Variants in ATF3 observed in about 807,000 individuals in gnomAD.
The protein encoded by ATF3 is activating transcription factor 3.
Under a neutral mutation model 18.4 loss-of-function variants are expected in ATF3, and 10 were observed. The ratio of observed to expected loss-of-function variants is 0.54; its 90% CI spans 0.34 to 0.92. The LOEUF is 0.92. ATF3 is among the 40% of genes least tolerant of loss of function. The pLI is 0.02. For synonymous variants in ATF3, 78 were observed against 87.9 expected, an observed-to-expected ratio of 0.89 and a Z score of 0.63; for missense variants, 183 against 222.3, an observed-to-expected ratio of 0.82 and a Z score of 1.12.
intron 1 of ATF3, among the ~76,000 whole-genome samples, chr1:212,573,352 G>A (rs1468648472): frequency 6.6e-6 from 1 of 151,972 alleles, no homozygotes; most frequent in Non-Finnish European, 1.5e-5. Context: ...TGCATTAATT[G>A]AGAATCTTAT....
At chr1:212,578,573 T>A (rs1314592424) in intron 1 of ATF3, among the ~76,000 whole-genome samples, 1 of 152,220 alleles carries the variant, frequency 6.6e-6, no homozygotes, top group East Asian at 1.9e-4. Context: ...TTTATACTAA[T>A]CATTTCTGAG....
At chr1:212,566,288 G>C (rs1200451141) in intron 1 of ATF3, among the ~76,000 whole-genome samples, 1 of 152,160 alleles carries the variant, frequency 6.6e-6, no homozygotes, top group Non-Finnish European at 1.5e-5. Context: ...TGTCCTTTAA[G>C]TGTGGATCTG....
At chr1:212,614,786 C>G (rs984731199) in intron 1 of ATF3, among the ~76,000 whole-genome samples, 1 of 152,154 alleles carries the variant, frequency 6.6e-6, no homozygotes, top group Non-Finnish European at 1.5e-5. Context: ...AACATCATCC[C>G]TTATAAATTT....
chr1:212,568,014 AG>A (rs768205133), intron 1 of ATF3, among the ~76,000 whole-genome samples: 4 of 152,194 alleles, frequency 2.6e-5, no homozygotes, highest in Non-Finnish European at 5.9e-5. Flanking sequence ...GAACTTTTGT[AG>A]GGTAGGGACA....
chr1:212,577,895 A>G (rs1664610483), intron 1 of ATF3, among the ~76,000 whole-genome samples: 1 of 152,244 alleles, frequency 6.6e-6, no homozygotes, highest in South Asian at 2.1e-4. Context: ...CCTGAAGTGC[A>G]GATATCTCTT....
chr1:212,583,721 G>A (rs116898350), intron 1 of ATF3, among the ~76,000 whole-genome samples: 1 of 152,300 alleles, frequency 6.6e-6, no homozygotes, highest in East Asian at 1.9e-4. Flanking sequence ...CAGGTTATAA[G>A]TCTGTAGAGT....
Position 212,589,304 on chromosome 1 carries a change from T to C in ATF3, c.-5+23821T>C, listed in dbSNP as rs111681138. ...AGCTCATTGTAAATGTTTTCATTCT[T>C]GATGCAAAATTAAAGGTACAAATAG... On this transcript the variant is annotated intron_variant, in intron 1 of 3. Coordinates refer to the ATF3 transcript ENST00000366981. Among the ~76,000 whole-genome samples the C allele has an allele frequency of 1.7e-3, 260 of 152,278 alleles. 2 individuals are homozygous for C. Among genetic ancestry groups the C allele is most frequent in the African/African-American group, 6.0e-3 (251 of 41,536 alleles).
chr1:212,583,100 A>G (rs1664715085), intron 1 of ATF3, among the ~76,000 whole-genome samples: 1 of 152,192 alleles, frequency 6.6e-6, no homozygotes, highest in African/African-American at 2.4e-5. Flanking sequence ...CTCACTCCTA[A>G]CTGGTTTCTG....
At chr1:212,578,577 T>G (rs1172686447) in intron 1 of ATF3, among the ~76,000 whole-genome samples, 1 of 152,208 alleles carries the variant, frequency 6.6e-6, no homozygotes, top group Non-Finnish European at 1.5e-5. Context: ...TACTAATCAT[T>G]TCTGAGGTTT....
intron 1 of ATF3, among the ~76,000 whole-genome samples, chr1:212,580,930 G>A (rs1664672742): frequency 1.3e-5 from 2 of 152,028 alleles, no homozygotes; most frequent in Admixed American, 1.3e-4. Context: ...CACCATGCCC[G>A]GCTAATTTTT....
chr1:212,594,817 A>G (rs919264376), intron 1 of ATF3, among the ~76,000 whole-genome samples: 2 of 152,210 alleles, frequency 1.3e-5, no homozygotes, highest in Non-Finnish European at 2.9e-5. Context: ...TGGGCCCCTT[A>G]CAGGCCTACA....
intron 1 of ATF3, among the ~76,000 whole-genome samples, chr1:212,612,941 C>T (rs985367590): frequency 6.6e-6 from 1 of 152,128 alleles, no homozygotes; most frequent in African/African-American, 2.4e-5. Context: ...AGAATGTTTT[C>T]CAGGGCATAT....
chr1:212,568,252 T>C (rs1247109920), intron 1 of ATF3, among the ~76,000 whole-genome samples: 2 of 152,340 alleles, frequency 1.3e-5, no homozygotes, highest in East Asian at 3.9e-4. Flanking sequence ...CATTCACTTA[T>C]ACATAAGTTA....
chr1:212,585,214 G>T (rs1053520345), intron 1 of ATF3, among the ~76,000 whole-genome samples: 1 of 152,188 alleles, frequency 6.6e-6, no homozygotes, highest in South Asian at 2.1e-4. Context: ...CCTGTGTGTG[G>T]CAGCTCTGGG....
chr1:212,577,069 T>C (rs1021703509), intron 1 of ATF3, among the ~76,000 whole-genome samples: 2 of 152,074 alleles, frequency 1.3e-5, no homozygotes, highest in African/African-American at 4.8e-5. Flanking sequence ...TAAGTGACAG[T>C]CTGTGGTTGG....
Position 212,615,078 on chromosome 1 carries a change from C to T in ATF3, c.57C>T (p.Ile19=), listed in dbSNP as rs1013299995. 6.2e-6 allele frequency: 10 copies of T among 1,614,076 alleles called. No individual in the cohort carries two copies. Among genetic ancestry groups the T allele is most frequent in the East Asian group, 4.5e-5 (2 of 44,908 alleles). The change falls in exon 2 of 4, where the codon ATC becomes ATT. Residue 19 remains isoleucine, a synonymous_variant. Transcript: ENST00000341491. ...CCTCGGAAGTGAGTGCTTCTGCCAT[C>T]GTCCCCTGCCTGTCCCCTCCTGGGT... ...VSASEVSASA[I]VPCLSPPGSL...
intron 1 of ATF3, among the ~76,000 whole-genome samples, chr1:212,601,153 T>A (rs1480232795): frequency 6.6e-6 from 1 of 152,224 alleles, no homozygotes; most frequent in Non-Finnish European, 1.5e-5. Flanking sequence ...CATCTGATGA[T>A]TCAAGTTCAT....
chr1:212,570,983 T>A lies in ATF3; in HGVS notation c.-5+5500T>A, dbSNP rs139536013. On this transcript the variant is annotated intron_variant, in intron 1 of 3. Coordinates refer to the ATF3 transcript ENST00000366981. ...TTCATTTTTCTTGGATAAATACCTA[T>A]GGGTGGAATTGCTGGGCATAGGATA... Among the ~76,000 whole-genome samples the A allele has an allele frequency of 6.0e-3, 907 of 152,322 alleles. 9 individuals are homozygous for A. Among genetic ancestry groups the A allele is most frequent in the African/African-American group, 0.021 (875 of 41,568 alleles).
At chr1:212,592,045 T>A (rs1664897319) in intron 1 of ATF3, among the ~76,000 whole-genome samples, 1 of 152,210 alleles carries the variant, frequency 6.6e-6, no homozygotes, top group Non-Finnish European at 1.5e-5. Context: ...AAGTGTACAA[T>A]TCAGTGGCAT....
Sources: allele counts gnomAD v4.1 joint callset (sites outside exome capture counted in the v4.1 genomes callset), GRCh38; gene constraint gnomAD v4.1.1; transcripts MANE v1.5; gene names NCBI Gene and HGNC (gene_info 2026-07-23, HGNC 2026-07-21).